The following RAP1GAP2 variants were observed in gnomAD, a reference collection of about 807,000 sequenced individuals.
RAP1GAP2 encodes RAP1 GTPase activating protein 2, also known as rap1 GTPase-activating protein 2.
RAP1GAP2 carries 27 observed loss-of-function variants against 95.0 expected under a neutral mutation model. The ratio of observed to expected loss-of-function variants is 0.28; its 90% CI spans 0.21 to 0.39. The LOEUF is 0.39. Among genes scored for constraint, RAP1GAP2 ranks in the 10% least tolerant of loss-of-function variants. The pLI is 1.00. For missense variants in RAP1GAP2, 771 were observed against 970.0 expected (o/e 0.79, Z 2.72); for synonymous variants, 373 against 380.9 (o/e 0.98, Z 0.24).
intron 2 of RAP1GAP2, among the ~76,000 whole-genome samples, chr17:2,899,553 C>T (rs931352879): frequency 4.0e-5 from 6 of 151,858 alleles, no homozygotes; most frequent in African/African-American, 1.2e-4. Flanking sequence ...CTCTGTCACC[C>T]GGGCTGGAGT....
intron 3 of RAP1GAP2, among the ~76,000 whole-genome samples, chr17:2,924,354 A>G (rs1380797369): frequency 1.3e-5 from 2 of 152,120 alleles, no homozygotes; most frequent in Non-Finnish European, 2.9e-5. Context: ...CCGGGAGCGA[A>G]TAGGGTTTGT....
chr17:2,964,142 G>A, intron 7 of RAP1GAP2, 74 bp downstream of exon 7: 3 of 1,394,546 alleles, frequency 2.2e-6, no homozygotes, highest in East Asian at 4.6e-5. Flanking sequence ...GAGGTACCAG[G>A]CGGTAGGGGA....
At chr17:2,831,888 C>G (rs540542602) in intron 2 of RAP1GAP2, among the ~76,000 whole-genome samples, 2 of 151,936 alleles carry the variant, frequency 1.3e-5, no homozygotes, top group East Asian at 1.9e-4. Flanking sequence ...GAGTGAGACC[C>G]TGTCTCAAAA....
chr17:2,859,835 G>C (rs2072300476), intron 2 of RAP1GAP2, among the ~76,000 whole-genome samples: 1 of 152,050 alleles, frequency 6.6e-6, no homozygotes, highest in South Asian at 2.1e-4. Flanking sequence ...GGCATCTCCT[G>C]GTGTTATTTA....
intron 2 of RAP1GAP2, among the ~76,000 whole-genome samples, chr17:2,894,576 G>A (rs895454912): frequency 6.6e-6 from 1 of 152,004 alleles, no homozygotes; most frequent in Non-Finnish European, 1.5e-5. Context: ...GATCCCATTT[G>A]GGTGTCCCAG....
intron 4 of RAP1GAP2, among the ~76,000 whole-genome samples, chr17:2,958,319 T>C (rs1252715161): frequency 6.6e-6 from 1 of 152,076 alleles, no homozygotes; most frequent in Non-Finnish European, 1.5e-5. Flanking sequence ...TCGGTGTAAA[T>C]ACTTGGTAGA....
chr17:2,817,720 C>T (rs2070085262), intron 2 of RAP1GAP2, among the ~76,000 whole-genome samples: 1 of 119,852 alleles, frequency 8.3e-6, no homozygotes, highest in Non-Finnish European at 2.0e-5. Context: ...GGGGTTTCAC[C>T]ATGTTGGCTA....
intron 19 of RAP1GAP2, among the ~76,000 whole-genome samples, chr17:3,023,813 A>C (rs1198377172): frequency 6.7e-6 from 1 of 149,498 alleles, no homozygotes; most frequent in Non-Finnish European, 1.5e-5. Flanking sequence ...CTTACCCCCA[A>C]CCCCCCGACA....
chr17:2,832,626 A>G (rs991310382), intron 2 of RAP1GAP2, among the ~76,000 whole-genome samples: 3 of 151,406 alleles, frequency 2.0e-5, no homozygotes, highest in African/African-American at 2.4e-5. Flanking sequence ...TCTCCTCCCC[A>G]GAGTAGCCAC....
intron 3 of RAP1GAP2, among the ~76,000 whole-genome samples, chr17:2,916,092 C>G (rs2042558298): frequency 6.6e-6 from 1 of 152,112 alleles, no homozygotes. Context: ...TCATTTATTG[C>G]CATATGGATA....
chr17:2,802,520 G>C (rs1279234638), intron 2 of RAP1GAP2, among the ~76,000 whole-genome samples: 1 of 152,124 alleles, frequency 6.6e-6, no homozygotes, highest in African/African-American at 2.4e-5. Flanking sequence ...GACCAGCCTG[G>C]TCAACATGGT....
intron 11 of RAP1GAP2, among the ~76,000 whole-genome samples, chr17:2,990,969 C>T (rs775892816): frequency 1.1e-4 from 17 of 151,944 alleles, no homozygotes; most frequent in South Asian, 2.1e-4. Flanking sequence ...CTCAGTCTCC[C>T]GAGCAGCTGG....
intron 2 of RAP1GAP2, among the ~76,000 whole-genome samples, chr17:2,858,106 A>T (rs1456075431): frequency 6.6e-6 from 1 of 152,158 alleles, no homozygotes; most frequent in East Asian, 1.9e-4. Flanking sequence ...TCTCAAAAAA[A>T]AGGTACGTTC....
intron 2 of RAP1GAP2, among the ~76,000 whole-genome samples, chr17:2,837,385 G>A (rs1374193527): frequency 1.3e-5 from 2 of 152,054 alleles, no homozygotes. Context: ...CAACAGTGGT[G>A]TCAGAGTGCT....
In RAP1GAP2 at chr17:3,036,027, G is replaced by A. The variant is rs774054431; in HGVS notation, c.*2666G>A. Reference sequence around the variant, plus strand: ...TCTGGGAACTGCCTGACTCACTGAAGAAACTACTTTTCAGGCACTGTAGGG... The same window carrying A: ...TCTGGGAACTGCCTGACTCACTGAAAAAACTACTTTTCAGGCACTGTAGGG... On this transcript the variant is annotated 3_prime_UTR_variant, in exon 25 of 25. Coordinates refer to ENST00000254695, the MANE Select transcript of RAP1GAP2 (RefSeq NM_015085.5). 4 of 152,182 alleles carry A rather than the reference G, an allele frequency of 2.6e-5. No homozygotes were observed. Among genetic ancestry groups the A allele is most frequent in the Non-Finnish European group, 4.4e-5 (3 of 68,050 alleles). 9.4% of individuals were successfully genotyped at this position (152,182 alleles called of 1,614,324 possible). A position where few individuals can be genotyped will look rare whatever the true frequency, so the allele number is the denominator to read the frequency against.
chr17:3,010,640 G>T (rs953412388), intron 17 of RAP1GAP2, among the ~76,000 whole-genome samples: 3 of 152,168 alleles, frequency 2.0e-5, no homozygotes, highest in African/African-American at 7.2e-5. Flanking sequence ...GGCAGGAGTC[G>T]CAGTTGATCT....
In RAP1GAP2 at chr17:2,785,100, CT is replaced by C. The variant is rs1161036014; in HGVS notation, c.-14+7824del. On this transcript the variant is annotated intron_variant, in intron 1 of 24. Transcript: ENST00000540393. ...CAGGGAGGAATCTCAGGGTTTGCTCCTTGTGGCCCAGGTTAGGGCTGCTCCT... is the reference window on the plus strand; with the variant it reads ...CAGGGAGGAATCTCAGGGTTTGCTCCTGTGGCCCAGGTTAGGGCTGCTCCT... Among the ~76,000 whole-genome samples, 6 of 152,210 alleles carry C rather than the reference CT, an allele frequency of 3.9e-5. No homozygotes were observed. The East Asian group carries it at 9.6e-4, about 24-fold the overall frequency.
intron 2 of RAP1GAP2, among the ~76,000 whole-genome samples, chr17:2,883,105 C>T (rs1308072224): frequency 6.6e-6 from 1 of 152,160 alleles, no homozygotes; most frequent in Non-Finnish European, 1.5e-5. Context: ...AGAGCAGCTT[C>T]CAGGGGCTAC....
At chr17:2,862,144 C>T (rs1420509846) in intron 2 of RAP1GAP2, among the ~76,000 whole-genome samples, 1 of 152,122 alleles carries the variant, frequency 6.6e-6, no homozygotes, top group Admixed American at 6.6e-5. Context: ...GTGAGAGGGA[C>T]CAGGCTCAGC....
Sources: gnomAD v4.1 joint callset for allele counts (sites outside exome capture counted in the v4.1 genomes callset) on GRCh38, gnomAD v4.1.1 for gene constraint, MANE v1.5 for transcripts, NCBI Gene and HGNC (gene_info 2026-07-23, HGNC 2026-07-21) for gene names.